Variants in ERBB4 observed in about 807,000 individuals in gnomAD.
ERBB4 encodes erb-b2 receptor tyrosine kinase 4.
ERBB4 carries 42 observed loss-of-function variants against 158.0 expected under a neutral mutation model. The observed-to-expected ratio is 0.27, with a 90% CI of 0.21 to 0.34. The LOEUF (loss-of-function observed/expected upper bound fraction) is 0.34. Ranked by LOEUF, ERBB4 falls within the 10% of genes least tolerant of loss-of-function variation. The probability of loss-of-function intolerance (pLI) is 1.00; values close to 1 mark genes in which losing one functional copy is unlikely to be tolerated. For synonymous variants in ERBB4, 583 were observed against 558.7 expected, an observed-to-expected ratio of 1.04 and a Z score of -0.61; for missense variants, 1,333 against 1,624.1, an observed-to-expected ratio of 0.82 and a Z score of 3.08.
intron 21 of ERBB4, among the ~76,000 whole-genome samples, chr2:211,429,307 A>C (rs999111279): frequency 1.3e-5 from 2 of 152,038 alleles, no homozygotes; most frequent in Admixed American, 6.6e-5. Context: ...TTCTCCTCTC[A>C]TATAATTTGG....
At chr2:212,045,255 T>C (rs1294637884) in intron 2 of ERBB4, among the ~76,000 whole-genome samples, 1 of 152,010 alleles carries the variant, frequency 6.6e-6, no homozygotes, top group East Asian at 1.9e-4. Context: ...AAGCCAGGGG[T>C]TTGAGACCAG....
chr2:211,888,500 T>C (rs534243467), intron 3 of ERBB4, among the ~76,000 whole-genome samples: 9 of 152,370 alleles, frequency 5.9e-5, no homozygotes, highest in Admixed American at 2.0e-4. Flanking sequence ...TATTCTATTG[T>C]GTTTCACTTA....
intron 20 of ERBB4, among the ~76,000 whole-genome samples, chr2:211,555,790 A>T (rs1473217480): frequency 6.6e-6 from 1 of 152,230 alleles, no homozygotes; most frequent in Non-Finnish European, 1.5e-5. Context: ...ATTTGTAACC[A>T]TCAGACCTGC....
intron 3 of ERBB4, among the ~76,000 whole-genome samples, chr2:211,823,392 T>C (rs2077035264): frequency 6.6e-6 from 1 of 151,820 alleles, no homozygotes; most frequent in African/African-American, 2.4e-5. Flanking sequence ...GAAACCAACA[T>C]AAGGGGTAAG....
In ERBB4 at chr2:211,712,110, T is replaced by C; in HGVS notation, c.1064A>G (p.Lys355Arg). ...ATTGATCTTGGTACAGTTTATGAATTTGTCAATGTTACTGGAATCCACAGT... is the reference window on the plus strand; with the variant it reads ...ATTGATCTTGGTACAGTTTATGAATCTGTCAATGTTACTGGAATCCACAGT... ...AQTVDSSNID[K>R]FINCTKINGN... is the part of the protein sequence containing the mutation. The change falls in exon 9 of 28, where the codon AAA (lysine) becomes AGA (arginine). Residue 355 changes from lysine (K) to arginine (R), a missense_variant. Physicochemically the swap from Lys to Arg is conservative, Grantham distance 26 (BLOSUM62 2). Transcript: ENST00000342788. The C allele has an allele frequency of 1.9e-6, 3 of 1,612,190 alleles. No homozygotes were observed. The highest frequency in any genetic ancestry group is 2.5e-6 in the Non-Finnish European group (3 of 1,178,300).
intron 12 of ERBB4, 38 bp from the exon 13 acceptor site, chr2:211,679,222 G>T (rs756504481): frequency 1.2e-6 from 2 of 1,609,750 alleles, no homozygotes; most frequent in African/African-American, 2.7e-5. Flanking sequence ...TAAAACAGAG[G>T]ATTGTGTCAA....
intron 2 of ERBB4, among the ~76,000 whole-genome samples, chr2:212,009,028 A>G (rs1231260656): frequency 8.8e-6 from 1 of 113,170 alleles, no homozygotes; most frequent in African/African-American, 3.1e-5. Flanking sequence ...TTACAGCAAA[A>G]AATGTTTTTC....
intron 4 of ERBB4, among the ~76,000 whole-genome samples, chr2:211,783,736 T>A (rs1005037378): frequency 1.3e-5 from 2 of 152,196 alleles, no homozygotes; most frequent in African/African-American, 2.4e-5. Flanking sequence ...TCATGGTGGA[T>A]AAGCTTTTTG....
intron 4 of ERBB4, among the ~76,000 whole-genome samples, chr2:211,781,586 ATAGT>A (rs1309143735): frequency 6.6e-6 from 1 of 152,244 alleles, no homozygotes. Flanking sequence ...ATGTAGAAAC[ATAGT>A]TAAATGTCAA....
At chr2:211,695,940 TTTC>T (rs1409429260) in intron 12 of ERBB4, among the ~76,000 whole-genome samples, 1 of 150,096 alleles carries the variant, frequency 6.7e-6, no homozygotes, top group Non-Finnish European at 1.5e-5. Context: ...TGCTCTTTCT[TTTC>T]TTTCTTTTTA....
At chr2:211,583,108 T>C (rs1397186356) in intron 19 of ERBB4, among the ~76,000 whole-genome samples, 1 of 152,132 alleles carries the variant, frequency 6.6e-6, no homozygotes, top group African/African-American at 2.4e-5. Flanking sequence ...TATCTACAGA[T>C]CTTCTGGTTA....
At chr2:212,399,545 C>CATAT (rs869111881) in intron 1 of ERBB4, among the ~76,000 whole-genome samples, 1,395 of 37,214 alleles carry the variant, frequency 0.037, 24 homozygotes, top group Middle Eastern at 0.054. Flanking sequence ...TTTATATATA[C>CATAT]ATATATATAT....
intron 3 of ERBB4, among the ~76,000 whole-genome samples, chr2:211,899,575 G>A (rs1399438011): frequency 1.3e-5 from 2 of 152,032 alleles, no homozygotes; most frequent in South Asian, 4.1e-4. Flanking sequence ...TGTAAAATTA[G>A]ACAGTACTGT....
chr2:211,689,646 A>G (rs1311068915), intron 12 of ERBB4, among the ~76,000 whole-genome samples: 1 of 152,224 alleles, frequency 6.6e-6, no homozygotes, highest in East Asian at 1.9e-4. Flanking sequence ...ATTCTATATA[A>G]TAGACAAAGT....
At chr2:212,232,434 A>G (rs1408256626) in intron 1 of ERBB4, among the ~76,000 whole-genome samples, 2 of 152,080 alleles carry the variant, frequency 1.3e-5, no homozygotes, top group Non-Finnish European at 2.9e-5. Context: ...TTTGAGACAG[A>G]GTCTTGCTCT....
chr2:211,757,546 TACTC>T (rs1345984334), intron 4 of ERBB4, among the ~76,000 whole-genome samples: 1 of 152,208 alleles, frequency 6.6e-6, no homozygotes, highest in African/African-American at 2.4e-5. Flanking sequence ...ACAGCATATA[TACTC>T]ATGTGATCAA....
chr2:212,422,500 A>AACACACACAC lies in ERBB4; in HGVS notation c.82+115939_82+115948dup, dbSNP rs56308920. Among the ~76,000 whole-genome samples, 474 of 148,654 alleles carry AACACACACAC rather than the reference A, an allele frequency of 3.2e-3. 13 individuals carry two copies. In the South Asian group the frequency reaches 0.04, roughly 13 times the overall value. On this transcript the variant is annotated intron_variant, in intron 1 of 27. Coordinates refer to ENST00000342788, the MANE Select transcript of ERBB4 (RefSeq NM_005235.3). ...GCAACGGTGTGAGACTTGGACTCAA[A>AACACACACAC]ACACACACACACACACACACACACA...
At chr2:212,147,446 T>C (rs1575703586) in intron 1 of ERBB4, among the ~76,000 whole-genome samples, 1 of 152,112 alleles carries the variant, frequency 6.6e-6, no homozygotes, top group East Asian at 1.9e-4. Flanking sequence ...TAAAATTCTA[T>C]GTTCAGAATT....
intron 1 of ERBB4, among the ~76,000 whole-genome samples, chr2:212,524,966 TCTTTA>T (rs1202697115): frequency 1.3e-5 from 2 of 152,020 alleles, no homozygotes; most frequent in African/African-American, 4.8e-5. Flanking sequence ...ACGTATTAAC[TCTTTA>T]CTTGTTTGAT....
Sources: gnomAD v4.1 joint callset for allele counts (sites outside exome capture counted in the v4.1 genomes callset) on GRCh38, gnomAD v4.1.1 for gene constraint, MANE v1.5 for transcripts, NCBI Gene and HGNC (gene_info 2026-07-23, HGNC 2026-07-21) for gene names.